The following CDIN1 variants were observed in gnomAD, a reference collection of about 807,000 sequenced individuals.
The protein encoded by CDIN1 is CDAN1 interacting nuclease 1, also known as CDAN1-interacting nuclease 1.
CDIN1 carries 33 observed loss-of-function variants against 45.3 expected under a neutral mutation model. That is an observed-to-expected ratio of 0.73 (90% confidence interval 0.55 to 0.97). The LOEUF (loss-of-function observed/expected upper bound fraction) is 0.97, where lower values mean the gene tolerates loss of function less well. Ranked by LOEUF, CDIN1 falls within the 50% of genes least tolerant of loss-of-function variation. CDIN1 has a pLI of 0.00. For synonymous variants in CDIN1, 118 were observed against 124.4 expected (o/e 0.95, Z 0.34); for missense variants, 303 against 339.4 (o/e 0.89, Z 0.84).
At chr15:36,605,453 G>T (rs1701645421) in intron 1 of CDIN1, among the ~76,000 whole-genome samples, 1 of 152,068 alleles carries the variant, frequency 6.6e-6, no homozygotes, top group African/African-American at 2.4e-5. Context: ...TAGCAAAATT[G>T]CATGTTGACT....
intron 10 of CDIN1, among the ~76,000 whole-genome samples, chr15:36,775,474 C>A (rs2054195692): frequency 6.6e-6 from 1 of 152,156 alleles, no homozygotes; most frequent in South Asian, 2.1e-4. Flanking sequence ...TTAGATCTTA[C>A]CCGTGTGGAA....
chr15:36,704,919 C>G (rs2042806663), intron 8 of CDIN1: 1 of 151,968 alleles, frequency 6.6e-6, no homozygotes, highest in Non-Finnish European at 1.5e-5. Context: ...GACCTCATGT[C>G]CCCCTGTGAT....
At position 36,795,091 on chromosome 15, in the gene CDIN1, T is replaced by C. The variant is rs1430707601; in HGVS notation, c.717-13233T>C. 2.0e-5 allele frequency among the ~76,000 whole-genome samples: 3 copies of C among 152,126 alleles called. No homozygotes were observed. The East Asian group carries it at 5.8e-4, about 29-fold the overall frequency. ...ATCGGGGCTTCAAAAGTTGATCTCA[T>C]GGGGGTAAAGAGTAGAGTGACAGCT... is the stretch of plus-strand genomic sequence containing the variant. On this transcript the variant is annotated intron_variant, in intron 10 of 10. Coordinates refer to ENST00000566621, the MANE Select transcript of CDIN1 (RefSeq NM_001321759.2).
intron 5 of CDIN1, among the ~76,000 whole-genome samples, chr15:36,690,587 A>G (rs1207773193): frequency 6.6e-6 from 1 of 152,142 alleles, no homozygotes; most frequent in East Asian, 1.9e-4. Flanking sequence ...TATCTTATGT[A>G]TCAGTGTTCT....
rs2041764089 is a variant in CDIN1, at chr15:36,679,212, G to A, written c.347-12473G>A. Among the ~76,000 whole-genome samples, 5 of 152,190 alleles carry A rather than the reference G, an allele frequency of 3.3e-5. No homozygotes were observed. In the South Asian group the frequency reaches 1.0e-3, roughly 32 times the overall value. Reference sequence around the variant, plus strand: ...GGTGGGGGAGTGGGGATGTAAGATGGGAGTATCAATCTGGCATTGGCAAAT... The same window carrying A: ...GGTGGGGGAGTGGGGATGTAAGATGAGAGTATCAATCTGGCATTGGCAAAT... On this transcript the variant is annotated intron_variant, in intron 5 of 10. Transcript: ENST00000566621.
intron 10 of CDIN1, among the ~76,000 whole-genome samples, chr15:36,752,789 T>C (rs1322977868): frequency 6.6e-6 from 1 of 152,094 alleles, no homozygotes; most frequent in Non-Finnish European, 1.5e-5. Context: ...TCTCACTGAG[T>C]TTATAATGTT....
intron 1 of CDIN1, chr15:36,617,298 A>G (rs2038941435): frequency 1.8e-6 from 2 of 1,140,980 alleles, no homozygotes; most frequent in Non-Finnish European, 2.7e-6. Context: ...AATATGAAGT[A>G]ATGTGTTCTT....
chr15:36,804,221 G>A (rs995375551), intron 10 of CDIN1, among the ~76,000 whole-genome samples: 2 of 152,160 alleles, frequency 1.3e-5, no homozygotes, highest in Non-Finnish European at 2.9e-5. Flanking sequence ...TGGGCACATA[G>A]TAAGTGGGGT....
At chr15:36,597,130 A>G (rs879305260) in intron 1 of CDIN1, among the ~76,000 whole-genome samples, 2 of 152,220 alleles carry the variant, frequency 1.3e-5, no homozygotes, top group Non-Finnish European at 2.9e-5. Context: ...GTATGTGCCT[A>G]TGACAGAGTT....
intron 2 of CDIN1, 117 bp downstream of exon 2, chr15:36,644,440 T>G (rs1338669763): frequency 7.9e-5 from 86 of 1,092,136 alleles, no homozygotes; most frequent in Non-Finnish European, 1.1e-4. Flanking sequence ...ATGTTCTCCT[T>G]TCCACATCAA....
chr15:36,584,963 A>T (rs1566810996), intron 1 of CDIN1, among the ~76,000 whole-genome samples: 2 of 152,186 alleles, frequency 1.3e-5, no homozygotes, highest in Non-Finnish European at 2.9e-5. Flanking sequence ...GAAACATAGG[A>T]CATACTACAT....
At chr15:36,580,641 A>C (rs1050466076) in intron 1 of CDIN1, among the ~76,000 whole-genome samples, 2 of 152,240 alleles carry the variant, frequency 1.3e-5, no homozygotes, top group Non-Finnish European at 2.9e-5. Flanking sequence ...TTTCTAAGAA[A>C]GGACTTTGGG....
chr15:36,674,892 A>G (rs1313008227), intron 5 of CDIN1, among the ~76,000 whole-genome samples: 1 of 152,130 alleles, frequency 6.6e-6, no homozygotes, highest in African/African-American at 2.4e-5. Context: ...ATAGATCTGT[A>G]GAAAGGTTTT....
intron 8 of CDIN1, among the ~76,000 whole-genome samples, chr15:36,703,357 TCAG>T (rs2042729307): frequency 3.3e-5 from 2 of 60,292 alleles, no homozygotes; most frequent in African/African-American, 1.9e-4. Context: ...TATACATATA[TCAG>T]ATAGATCTAT....
At chr15:36,678,237 G>T (rs1226492806) in intron 5 of CDIN1, among the ~76,000 whole-genome samples, 1 of 152,194 alleles carries the variant, frequency 6.6e-6, no homozygotes, top group Non-Finnish European at 1.5e-5. Context: ...AGTTCCAACT[G>T]CAAGGGCAAG....
chr15:36,645,914 A>G (rs1028468005), intron 3 of CDIN1, among the ~76,000 whole-genome samples: 1 of 152,132 alleles, frequency 6.6e-6, no homozygotes, highest in African/African-American at 2.4e-5. Context: ...ATTTCAGCCT[A>G]ATTTATTATA....
chr15:36,686,369 A>G (rs1175915772), intron 5 of CDIN1, among the ~76,000 whole-genome samples: 1 of 134,084 alleles, frequency 7.5e-6, no homozygotes, highest in Admixed American at 8.6e-5. Context: ...ATGAGAACAC[A>G]TGGACACAGG....
intron 10 of CDIN1, among the ~76,000 whole-genome samples, chr15:36,719,833 T>G (rs939317074): frequency 2.0e-5 from 3 of 152,178 alleles, no homozygotes; most frequent in African/African-American, 7.2e-5. Context: ...TGCCTTTTTT[T>G]TCTTGAATGA....
At chr15:36,696,427 G>A (rs2140747022) in intron 7 of CDIN1, 1 of 152,338 alleles carries the variant, frequency 6.6e-6, no homozygotes, top group East Asian at 1.9e-4. Flanking sequence ...GTTTCTAAAT[G>A]TTGGCCTGAT....
Sources: gnomAD v4.1 joint callset for allele counts (sites outside exome capture counted in the v4.1 genomes callset) on GRCh38, gnomAD v4.1.1 for gene constraint, MANE v1.5 for transcripts, NCBI Gene and HGNC (gene_info 2026-07-23, HGNC 2026-07-21) for gene names.